Variants in KCND3 observed in about 807,000 individuals in gnomAD.
KCND3 encodes A-type voltage-gated potassium channel KCND3.
A neutral mutation model predicts 51.1 loss-of-function variants in KCND3; 9 were observed. The observed-to-expected ratio is 0.18, with a 90% CI of 0.11 to 0.31. The LOEUF (loss-of-function observed/expected upper bound fraction) is 0.31, where lower values mean the gene tolerates loss of function less well. KCND3 is among the 10% of genes least tolerant of loss of function. The pLI, the probability that KCND3 is intolerant of heterozygous loss-of-function variation, is 1.00. For missense variants in KCND3, 526 were observed against 903.8 expected, an observed-to-expected ratio of 0.58 and a Z score of 5.36; for synonymous variants, 349 against 368.0, an observed-to-expected ratio of 0.95 and a Z score of 0.59.
intron 2 of KCND3, among the ~76,000 whole-genome samples, chr1:111,866,416 C>T (rs1019812608): frequency 1.3e-5 from 2 of 151,936 alleles, no homozygotes; most frequent in African/African-American, 2.4e-5. Context: ...AGGAGTGCGC[C>T]ACCATGCCCA....
chr1:111,907,560 G>A (rs541102463), intron 2 of KCND3, among the ~76,000 whole-genome samples: 4 of 152,318 alleles, frequency 2.6e-5, no homozygotes, highest in South Asian at 2.1e-4. Context: ...CTACAATCAC[G>A]TGAGGGTTCT....
chr1:111,780,419 T>G lies in KCND3; in HGVS notation c.1372-105A>C. 1 of 1,200,148 alleles carries G rather than the reference T, an allele frequency of 8.3e-7. No homozygotes were observed. Among genetic ancestry groups the G allele is most frequent in the East Asian group, 2.5e-5 (1 of 39,226 alleles). 74.3% of individuals were successfully genotyped at this position (1,200,148 alleles called of 1,614,324 possible). ...TCAAAGGGCAATAGAATAATCAAAT[T>G]TTTTTTTATTTGACCAAATTTCAGG... On this transcript the variant is annotated intron_variant, in intron 4 of 7. Coordinates refer to ENST00000302127, the MANE Select transcript of KCND3 (RefSeq NM_001378969.1). The surrounding 1 kb of genome is among the most constrained non-coding windows in gnomAD (Gnocchi z 4.2).
At chr1:111,976,613 A>T (rs939249618) in intron 2 of KCND3, among the ~76,000 whole-genome samples, 1 of 152,258 alleles carries the variant, frequency 6.6e-6, no homozygotes, top group Non-Finnish European at 1.5e-5. Context: ...GCGGAAAGAC[A>T]CATAAACAGC....
chr1:111,962,064 G>A (rs1052251255), intron 2 of KCND3, among the ~76,000 whole-genome samples: 3 of 152,204 alleles, frequency 2.0e-5, no homozygotes, highest in African/African-American at 7.2e-5. Context: ...GAGGGCAGGA[G>A]AGCTCATCCA....
intron 2 of KCND3, among the ~76,000 whole-genome samples, chr1:111,842,909 G>C (rs557387073): frequency 1.3e-5 from 2 of 152,304 alleles, no homozygotes; most frequent in African/African-American, 4.8e-5. Flanking sequence ...ATGAGACAGA[G>C]AACAAGAGTA....
rs368505128 is a variant in KCND3, at chr1:111,886,115, A to C, written c.1106+95506T>G. Among the ~76,000 whole-genome samples the C allele has an allele frequency of 2.8e-4, 43 of 152,370 alleles. 1 individual carries two copies. In the South Asian group the frequency reaches 8.9e-3, roughly 32 times the overall value. ...AATCCTGTATTAGTTTAAAAAGTTA[A>C]TTTGGCAATGATGAGTATAATATCA... On this transcript the variant is annotated intron_variant, in intron 2 of 7. Transcript: ENST00000302127.
At chr1:111,849,364 C>T (rs575268303) in intron 2 of KCND3, among the ~76,000 whole-genome samples, 1 of 152,318 alleles carries the variant, frequency 6.6e-6, no homozygotes, top group East Asian at 1.9e-4. Flanking sequence ...GGGGCTAAGC[C>T]CAGGGGATCT....
intron 2 of KCND3, among the ~76,000 whole-genome samples, chr1:111,922,976 T>C (rs1413631368): frequency 6.6e-6 from 1 of 152,176 alleles, no homozygotes; most frequent in East Asian, 1.9e-4. Context: ...CACATTCAGA[T>C]CTGATCATCC....
intron 2 of KCND3, among the ~76,000 whole-genome samples, chr1:111,868,935 G>A (rs542683877): frequency 2.5e-4 from 38 of 152,220 alleles, no homozygotes; most frequent in African/African-American, 9.1e-4. Context: ...TAGAGATGGG[G>A]TCTCACTATG....
intron 2 of KCND3, among the ~76,000 whole-genome samples, chr1:111,880,973 G>A (rs1300630429): frequency 6.6e-6 from 1 of 152,008 alleles, no homozygotes; most frequent in African/African-American, 2.4e-5. Flanking sequence ...CACATCCTCT[G>A]TCACACTTCC....
intron 2 of KCND3, among the ~76,000 whole-genome samples, chr1:111,914,258 GAA>G (rs1671088524): frequency 7.3e-6 from 1 of 136,660 alleles, no homozygotes; most frequent in Non-Finnish European, 1.6e-5. Context: ...ATAAAGCAAA[GAA>G]GGAAAAAAGA....
At chr1:111,815,674 T>C (rs1426985126) in intron 2 of KCND3, among the ~76,000 whole-genome samples, 1 of 151,838 alleles carries the variant, frequency 6.6e-6, no homozygotes, top group Non-Finnish European at 1.5e-5. Flanking sequence ...TTCGCACTTC[T>C]TGTTACATTG....
At chr1:111,850,391 T>A (rs1219137754) in intron 2 of KCND3, among the ~76,000 whole-genome samples, 1 of 152,134 alleles carries the variant, frequency 6.6e-6, no homozygotes, top group East Asian at 1.9e-4. Context: ...CCCTCGGGAA[T>A]CCTTGGAGGC....
chr1:111,907,307 A>G (rs1292255236), intron 2 of KCND3, among the ~76,000 whole-genome samples: 2 of 152,234 alleles, frequency 1.3e-5, no homozygotes, highest in African/African-American at 4.8e-5. Context: ...ACCATATCCT[A>G]TTGGTATTCA....
At chr1:111,951,875 G>T (rs1351907119) in intron 2 of KCND3, among the ~76,000 whole-genome samples, 1 of 152,200 alleles carries the variant, frequency 6.6e-6, no homozygotes, top group Non-Finnish European at 1.5e-5. Context: ...TGGGAAGACG[G>T]AGAAGCAACA....
At chr1:111,804,965 C>A (rs1018267376) in intron 2 of KCND3, among the ~76,000 whole-genome samples, 1 of 152,184 alleles carries the variant, frequency 6.6e-6, no homozygotes, top group African/African-American at 2.4e-5. Context: ...ACCTCCCTGT[C>A]CCATGCTCCC....
chr1:111,922,142 C>T (rs1360506434), intron 2 of KCND3, among the ~76,000 whole-genome samples: 2 of 152,124 alleles, frequency 1.3e-5, no homozygotes, highest in African/African-American at 4.8e-5. Context: ...ACAAGAGAGG[C>T]GATGCCATTA....
intron 2 of KCND3, among the ~76,000 whole-genome samples, chr1:111,810,645 T>G (rs970168518): frequency 6.6e-6 from 1 of 152,210 alleles, no homozygotes; most frequent in African/African-American, 2.4e-5. Context: ...AATCCAGTCT[T>G]TCTTGTAGAC....
chr1:111,936,557 TC>T (rs1672231614), intron 2 of KCND3, among the ~76,000 whole-genome samples: 1 of 152,166 alleles, frequency 6.6e-6, no homozygotes, highest in Non-Finnish European at 1.5e-5. Context: ...CTTGGTATCA[TC>T]AAGGCATGCG....
Sources: allele counts gnomAD v4.1 joint callset (sites outside exome capture counted in the v4.1 genomes callset), GRCh38; gene constraint gnomAD v4.1.1; non-coding constraint Gnocchi (gnomAD v3.1); transcripts MANE v1.5; gene names NCBI Gene and HGNC (gene_info 2026-07-23, HGNC 2026-07-21).